The following RUSC2 variants were observed in gnomAD, a reference collection of about 807,000 sequenced individuals.
The protein encoded by RUSC2 is AP-4 complex accessory subunit RUSC2.
RUSC2 carries 34 observed loss-of-function variants against 122.2 expected under a neutral mutation model. The observed-to-expected ratio is 0.28, with a 90% CI of 0.21 to 0.37. RUSC2 has a LOEUF of 0.37. Ranked by LOEUF, RUSC2 falls within the 10% of genes least tolerant of loss-of-function variation. The probability of loss-of-function intolerance (pLI) is 1.00; values close to 1 mark genes in which losing one functional copy is unlikely to be tolerated. For missense variants in RUSC2, 1,747 were observed against 1,952.4 expected (o/e 0.89, Z 1.98); for synonymous variants, 784 against 790.0 (o/e 0.99, Z 0.13).
At chr9:35,535,775 C>T (rs925329611) in intron 1 of RUSC2, among the ~76,000 whole-genome samples, 9 of 150,362 alleles carry the variant, frequency 6.0e-5, no homozygotes, top group Non-Finnish European at 1.2e-4. Flanking sequence ...CTCCTGACCT[C>T]GTGATCTGCC....
intron 10 of RUSC2, 49 bp from the exon 11 acceptor site, chr9:35,560,908 GCAC>G: frequency 6.3e-7 from 1 of 1,594,604 alleles, no homozygotes; most frequent in Non-Finnish European, 8.6e-7. Flanking sequence ...GTAAGCCAGG[GCAC>G]GGGCAGAGCC....
At chr9:35,513,847 A>G (rs895637043) in intron 1 of RUSC2, among the ~76,000 whole-genome samples, 2 of 147,040 alleles carry the variant, frequency 1.4e-5, no homozygotes, top group African/African-American at 5.0e-5. Context: ...CCCTGTCTCT[A>G]TAAAAAATTG....
At chr9:35,509,524 G>A (rs1032487729) in intron 1 of RUSC2, among the ~76,000 whole-genome samples, 6 of 152,100 alleles carry the variant, frequency 3.9e-5, no homozygotes, top group African/African-American at 7.2e-5. Context: ...ATATTTTCCC[G>A]AGATGTTGCC....
At chr9:35,491,954 C>T (rs933698738) in intron 1 of RUSC2, among the ~76,000 whole-genome samples, 1 of 152,132 alleles carries the variant, frequency 6.6e-6, no homozygotes, top group African/African-American at 2.4e-5. Context: ...GCCTGGGTGA[C>T]AGAGCAATGC....
rs1200873777 is a variant in RUSC2 at position 35,555,505 on chromosome 9, C to G, written c.2460C>G (p.Ser820=). 6.2e-7 allele frequency: 1 copy of G among 1,614,112 alleles called. No individual in the cohort carries two copies. The highest frequency in any genetic ancestry group is 1.7e-5 in the Admixed American group (1 of 60,004). ...ATESLPPWSH[S]CPSAVRPATS... Reference sequence around the variant, plus strand: ...AAAGCCTGCCCCCATGGAGCCACTCCTGTCCTTCTGCTGTCCGGCCTGCCA... The same window carrying G: ...AAAGCCTGCCCCCATGGAGCCACTCGTGTCCTTCTGCTGTCCGGCCTGCCA... The change falls in exon 3 of 12, where the codon TCC becomes TCG. Residue 820 remains serine, a synonymous_variant. Coordinates refer to ENST00000361226, the MANE Select transcript of RUSC2 (RefSeq NM_014806.5). This position sits in a 1 kb window ranked among gnomAD's most constrained non-coding sequence, Gnocchi z 4.6.
At chr9:35,528,732 C>G (rs1821366194) in intron 1 of RUSC2, among the ~76,000 whole-genome samples, 1 of 152,040 alleles carries the variant, frequency 6.6e-6, no homozygotes, top group African/African-American at 2.4e-5. Context: ...TCTTGAACTT[C>G]TAGGCTCAAG....
rs777315007 is a variant in RUSC2, at chr9:35,546,950, A to G, written c.429A>G (p.Leu143=). The change falls in exon 2 of 12, where the codon CTA becomes CTG. Residue 143 remains leucine (L), a synonymous_variant. Coordinates refer to ENST00000361226, the MANE Select transcript of RUSC2 (RefSeq NM_014806.5). The surrounding 1 kb of genome is among the most constrained non-coding windows in gnomAD (Gnocchi z 4.3). ...GCACTGGCCAGCCCAACTTTCATCT[A>G]TCCTCTTTCCAGCTGCCACCATCTG... ...LHGTGQPNFH[L]SSFQLPPSGP... The G allele has an allele frequency of 7.0e-6, 11 of 1,576,442 alleles. 1 individual carries two copies. The South Asian group carries it at 1.2e-4, about 17-fold the overall frequency.
intron 1 of RUSC2, among the ~76,000 whole-genome samples, chr9:35,509,265 C>T (rs1026471524): frequency 6.6e-6 from 1 of 152,150 alleles, no homozygotes; most frequent in Non-Finnish European, 1.5e-5. Flanking sequence ...AGGCACACCA[C>T]CTTGTCCAGA....
rs1455126926 is a variant in RUSC2, at chr9:35,496,137, A to T, written c.-93+5965A>T. On this transcript the variant is annotated intron_variant, in intron 1 of 11. Coordinates refer to ENST00000361226, the MANE Select transcript of RUSC2 (RefSeq NM_014806.5). Reference sequence around the variant, plus strand: ...GTGGAGGAGGAGGGCTTAGATCTAGACAGAGTCCGAACGAGAAGCATGCAA... The same window carrying T: ...GTGGAGGAGGAGGGCTTAGATCTAGTCAGAGTCCGAACGAGAAGCATGCAA... Among the ~76,000 whole-genome samples the T allele has an allele frequency of 5.3e-5, 8 of 152,120 alleles. No homozygotes were observed. In the East Asian group the frequency reaches 1.5e-3, roughly 29 times the overall value.
chr9:35,532,235 A>G (rs1821435090), intron 1 of RUSC2, among the ~76,000 whole-genome samples: 2 of 152,178 alleles, frequency 1.3e-5, no homozygotes, highest in Non-Finnish European at 2.9e-5. Flanking sequence ...AGTATCTGAT[A>G]GGCTATTGGA....
intron 1 of RUSC2, among the ~76,000 whole-genome samples, chr9:35,535,787 G>A (rs1564257540): frequency 6.6e-6 from 1 of 151,878 alleles, no homozygotes; most frequent in Non-Finnish European, 1.5e-5. Context: ...TGATCTGCCC[G>A]CCTCGGCCTC....
chr9:35,510,092 A>G (rs905980832), intron 1 of RUSC2, among the ~76,000 whole-genome samples: 3 of 152,260 alleles, frequency 2.0e-5, no homozygotes, highest in African/African-American at 7.2e-5. Context: ...TATGCCTTAA[A>G]TAAAAATATG....
intron 1 of RUSC2, among the ~76,000 whole-genome samples, chr9:35,501,637 A>C (rs1820818775): frequency 6.6e-6 from 1 of 152,216 alleles, no homozygotes; most frequent in African/African-American, 2.4e-5. Flanking sequence ...AGGTAGAAAG[A>C]GATAAAGATA....
intron 1 of RUSC2, among the ~76,000 whole-genome samples, chr9:35,503,799 G>A (rs1368115721): frequency 2.6e-5 from 4 of 151,722 alleles, no homozygotes; most frequent in Admixed American, 2.0e-4. Context: ...TTTTGAGACA[G>A]AGTTTCACTC....
Position 35,546,798 on chromosome 9 carries a change from G to A in RUSC2, c.277G>A (p.Gly93Ser), listed in dbSNP as rs775429795. ...CAAGAGTAGGAGTCGGGATGGAAGA[G>A]GCCCTGGAGCCCCCAAACGACACAA... Reference protein sequence around the residue: ...STKSRSRDGRGPGAPKRHNPF... With the variant: ...STKSRSRDGRSPGAPKRHNPF... Residue 93 changes from glycine to serine, a missense_variant, in exon 2 of 12, where the codon GGC (glycine) becomes AGC (serine). Coordinates refer to ENST00000361226, the MANE Select transcript of RUSC2 (RefSeq NM_014806.5). The surrounding 1 kb of genome is among the most constrained non-coding windows in gnomAD (Gnocchi z 4.3). 2.5e-6 allele frequency: 4 copies of A among 1,610,984 alleles called. No individual in the cohort carries two copies. Among genetic ancestry groups the A allele is most frequent in the Non-Finnish European group, 3.4e-6 (4 of 1,178,556 alleles).
In RUSC2 at chr9:35,557,150, A is replaced by G. The variant is rs1414657629; in HGVS notation, c.2983+702A>G. Among the ~76,000 whole-genome samples, 1 of 152,176 alleles carries G rather than the reference A, an allele frequency of 6.6e-6. No homozygotes were observed. Among genetic ancestry groups the G allele is most frequent in the Non-Finnish European group, 1.5e-5 (1 of 68,050 alleles). The stretch of plus-strand genomic sequence containing the variant: ...TGACAAGACCCACACTATTTAGCAA[A>G]TAAGTGACCACTGAACTAAGAACAT... On this transcript the variant is annotated intron_variant, in intron 5 of 11. Transcript: ENST00000361226. This position sits in a 1 kb window ranked among gnomAD's most constrained non-coding sequence, Gnocchi z 4.6.
chr9:35,536,567 C>G (rs1324184845), intron 1 of RUSC2, among the ~76,000 whole-genome samples: 1 of 152,116 alleles, frequency 6.6e-6, no homozygotes, highest in Non-Finnish European at 1.5e-5. Flanking sequence ...AATCCCAGCA[C>G]TTTGGGAGGC....
At position 35,547,844 on chromosome 9, in the gene RUSC2, G is replaced by A; in HGVS notation, c.1323G>A (p.Gln441=). The change falls in exon 2 of 12, where the codon CAG becomes CAA. Residue 441 remains glutamine, a synonymous_variant. Coordinates refer to ENST00000361226, the MANE Select transcript of RUSC2 (RefSeq NM_014806.5). This position sits in a 1 kb window ranked among gnomAD's most constrained non-coding sequence, Gnocchi z 4.6. ...CTGGCCCAGACCCAGGCCCCAGCCA[G>A]CCCTCTGAGTATTACCTATTCCAGA... ...PGPGPDPGPS[Q]PSEYYLFQKP... is the part of the protein sequence containing the mutation. The A allele has an allele frequency of 6.2e-7, 1 of 1,614,156 alleles. No individual in the cohort carries two copies. Among genetic ancestry groups the A allele is most frequent in the Non-Finnish European group, 8.5e-7 (1 of 1,180,042 alleles).
intron 1 of RUSC2, among the ~76,000 whole-genome samples, chr9:35,532,909 G>C (rs1452050495): frequency 1.3e-5 from 2 of 151,970 alleles, no homozygotes; most frequent in Non-Finnish European, 2.9e-5. Context: ...AACAATGAAG[G>C]AGAGAGTGGA....
Sources: allele counts gnomAD v4.1 joint callset (sites outside exome capture counted in the v4.1 genomes callset), GRCh38; gene constraint gnomAD v4.1.1; non-coding constraint Gnocchi (gnomAD v3.1); transcripts MANE v1.5; gene names NCBI Gene and HGNC (gene_info 2026-07-23, HGNC 2026-07-21).